Variants in BABAM2 observed in about 807,000 individuals in gnomAD.
BABAM2 encodes the protein BRISC and BRCA1-A complex member 2.
Under a neutral mutation model 54.7 loss-of-function variants are expected in BABAM2, and 31 were observed. That is an observed-to-expected ratio of 0.57 (90% CI 0.43 to 0.77). The LOEUF (loss-of-function observed/expected upper bound fraction) is 0.77. Among genes scored for constraint, BABAM2 ranks in the 30% least tolerant of loss-of-function variants. The pLI is 0.00. For synonymous variants in BABAM2, 167 were observed against 162.9 expected (o/e 1.03, Z -0.19); for missense variants, 364 against 455.8 (o/e 0.80, Z 1.83).
Position 28,337,750 on chromosome 2 carries a change from C to T in BABAM2, c.1089-700C>T, listed in dbSNP as rs998475152. ...CTATAATCCCAGCACTTTGGGAGGCCGAGGCAGGAGGATCCCTTGAGGCCA... is the reference window on the plus strand; with the variant it reads ...CTATAATCCCAGCACTTTGGGAGGCTGAGGCAGGAGGATCCCTTGAGGCCA... On this transcript the variant is annotated intron_variant, in intron 11 of 11. Coordinates refer to ENST00000379624, the MANE Select transcript of BABAM2 (RefSeq NM_199191.3). Among the ~76,000 whole-genome samples the T allele has an allele frequency of 3.9e-5, 6 of 152,220 alleles. No homozygotes were observed. In the East Asian group the frequency reaches 5.8e-4, roughly 15 times the overall value.
intron 7 of BABAM2, among the ~76,000 whole-genome samples, chr2:28,162,535 C>A (rs1673201408): frequency 6.6e-6 from 1 of 152,174 alleles, no homozygotes; most frequent in Admixed American, 6.5e-5. Flanking sequence ...GGAGTCAGTG[C>A]CCAGCGAATG....
chr2:27,956,903 A>T (rs754447473), intron 3 of BABAM2, among the ~76,000 whole-genome samples: 2 of 152,180 alleles, frequency 1.3e-5, no homozygotes, highest in Non-Finnish European at 2.9e-5. Flanking sequence ...GCAAAAGATA[A>T]ATTTAATTTA....
intron 6 of BABAM2, among the ~76,000 whole-genome samples, chr2:28,084,200 AG>A (rs1665438529): frequency 6.6e-6 from 1 of 152,192 alleles, no homozygotes; most frequent in Non-Finnish European, 1.5e-5. Context: ...GAGGGTCTAA[AG>A]GTAGGAAAGT....
intron 6 of BABAM2, among the ~76,000 whole-genome samples, chr2:28,059,351 A>G (rs1249573960): frequency 6.6e-6 from 1 of 152,086 alleles, no homozygotes; most frequent in Non-Finnish European, 1.5e-5. Context: ...ATTTGTTTTC[A>G]TATTATGATC....
At chr2:28,153,881 G>T (rs1393806547) in intron 7 of BABAM2, among the ~76,000 whole-genome samples, 1 of 152,126 alleles carries the variant, frequency 6.6e-6, no homozygotes, top group African/African-American at 2.4e-5. Flanking sequence ...TTGAGTTTTT[G>T]GTTTTTCTGT....
At chr2:28,165,858 GAA>G (rs1464717488) in intron 7 of BABAM2, among the ~76,000 whole-genome samples, 1 of 152,140 alleles carries the variant, frequency 6.6e-6, no homozygotes, top group Non-Finnish European at 1.5e-5. Flanking sequence ...TTTAAGCAGA[GAA>G]AATGCTTTGG....
intron 5 of BABAM2, among the ~76,000 whole-genome samples, chr2:28,044,652 A>G (rs1290713916): frequency 6.6e-6 from 1 of 152,208 alleles, no homozygotes; most frequent in Non-Finnish European, 1.5e-5. Flanking sequence ...ACTCATACAA[A>G]TATTTGTAAA....
At chr2:28,122,441 T>A (rs988103333) in intron 6 of BABAM2, among the ~76,000 whole-genome samples, 1 of 152,144 alleles carries the variant, frequency 6.6e-6, no homozygotes, top group African/African-American at 2.4e-5. Context: ...ACTTACTTGA[T>A]TTTCGACATA....
intron 3 of BABAM2, among the ~76,000 whole-genome samples, chr2:27,958,513 TAC>T (rs1486657049): frequency 1.3e-5 from 2 of 149,494 alleles, no homozygotes; most frequent in Admixed American, 1.3e-4. Flanking sequence ...ATAACATATA[TAC>T]ATATACATAT....
At chr2:28,078,133 G>T (rs1664851406) in intron 6 of BABAM2, among the ~76,000 whole-genome samples, 1 of 152,056 alleles carries the variant, frequency 6.6e-6, no homozygotes, top group Non-Finnish European at 1.5e-5. Flanking sequence ...GATGTGAATT[G>T]TCCTTTTGTC....
intron 10 of BABAM2, among the ~76,000 whole-genome samples, chr2:28,250,622 C>T (rs1250017161): frequency 3.7e-5 from 5 of 133,742 alleles, no homozygotes; most frequent in Non-Finnish European, 7.7e-5. Flanking sequence ...GTTTTTGAGA[C>T]GGGGTCTCGC....
At chr2:28,084,107 A>G (rs936300940) in intron 6 of BABAM2, among the ~76,000 whole-genome samples, 50 of 152,138 alleles carry the variant, frequency 3.3e-4, no homozygotes, top group Admixed American at 3.1e-3. Context: ...CTCCAGGGTT[A>G]TGATAGTTCC....
chr2:28,176,762 GA>G (rs1675033989), intron 7 of BABAM2, among the ~76,000 whole-genome samples: 1 of 147,734 alleles, frequency 6.8e-6, no homozygotes, highest in South Asian at 2.1e-4. Flanking sequence ...ATTTATTCAT[GA>G]GCTTCAACAG....
At position 28,160,412 on chromosome 2, in the gene BABAM2, A is replaced by G. The variant is rs575826150; in HGVS notation, c.680+31032A>G. Among the ~76,000 whole-genome samples, 13 of 152,348 alleles carry G rather than the reference A, an allele frequency of 8.5e-5. No homozygotes were observed. The East Asian group carries it at 2.5e-3, about 29-fold the overall frequency. On this transcript the variant is annotated intron_variant, in intron 7 of 11. Transcript: ENST00000379624. ...TATGTATTAATTTATCTTATCATAC[A>G]TTGTGTTGAGAACATTTTCTTCTGT...
chr2:28,167,893 T>C (rs1673888988), intron 7 of BABAM2, among the ~76,000 whole-genome samples: 1 of 152,152 alleles, frequency 6.6e-6, no homozygotes, highest in African/African-American at 2.4e-5. Flanking sequence ...TCATTTAATC[T>C]GTATTTCTAC....
At position 28,133,093 on chromosome 2, in the gene BABAM2, G is replaced by T. The variant is rs527476740; in HGVS notation, c.680+3713G>T. 7.2e-5 allele frequency among the ~76,000 whole-genome samples: 11 copies of T among 152,216 alleles called. No individual in the cohort carries two copies. The South Asian group carries it at 2.3e-3, about 32-fold the overall frequency. On this transcript the variant is annotated intron_variant, in intron 7 of 11. Coordinates refer to ENST00000379624, the MANE Select transcript of BABAM2 (RefSeq NM_199191.3). ...CTTTAAGTAGAAGTTTTCAAAATGA[G>T]GTTTTAGAGAAAGATTAACATAAAA... is the stretch of plus-strand genomic sequence containing the variant.
chr2:28,199,122 T>G (rs72818408), intron 7 of BABAM2, among the ~76,000 whole-genome samples: 1 of 152,152 alleles, frequency 6.6e-6, no homozygotes, highest in African/African-American at 2.4e-5. Context: ...CTTTTTATAA[T>G]GCAGTGCTAA....
chr2:28,032,504 A>C (rs1676370601), intron 5 of BABAM2, among the ~76,000 whole-genome samples: 1 of 151,830 alleles, frequency 6.6e-6, no homozygotes, highest in South Asian at 2.1e-4. Flanking sequence ...AACATTAACC[A>C]AAAAAAACCC....
chr2:27,913,579 T>C (rs1390897168), intron 2 of BABAM2, among the ~76,000 whole-genome samples: 1 of 152,180 alleles, frequency 6.6e-6, no homozygotes, highest in African/African-American at 2.4e-5. Context: ...ATTGTTACTT[T>C]GTCCATGCTT....
Sources: gnomAD v4.1 joint callset for allele counts (sites outside exome capture counted in the v4.1 genomes callset) on GRCh38, gnomAD v4.1.1 for gene constraint, MANE v1.5 for transcripts, NCBI Gene and HGNC (gene_info 2026-07-23, HGNC 2026-07-21) for gene names.